UBFD1: variants seen among roughly 807,000 people sequenced by gnomAD.
UBFD1 encodes ubiquitin family domain containing 1, also known as ubiquitin domain-containing protein UBFD1.
Under a neutral mutation model 35.1 loss-of-function variants are expected in UBFD1, and 12 were observed. The observed-to-expected ratio is 0.34, with a 90% CI of 0.22 to 0.55. The LOEUF is 0.55. Ranked by LOEUF, UBFD1 falls within the 20% of genes least tolerant of loss-of-function variation. The pLI, the probability that UBFD1 is intolerant of heterozygous loss-of-function variation, is 0.89. For synonymous variants in UBFD1, 178 were observed against 167.6 expected, an observed-to-expected ratio of 1.06 and a Z score of -0.48; for missense variants, 337 against 410.8, an observed-to-expected ratio of 0.82 and a Z score of 1.55.
chr16:23,558,152 C>G lies in UBFD1; in HGVS notation c.228C>G (p.Asp76Glu), dbSNP rs772644233. ...AGGCCTCGGTCAGCAACGGCGAAGA[C>G]GCGGGCGGCGGCGCGGGCAGGGAGC... is the stretch of plus-strand genomic sequence containing the variant. The part of the protein sequence containing the change: ...AAQASVSNGE[D>E]AGGGAGRELV... The change falls in exon 2 of 7, where the codon GAC becomes GAG. Residue 76 changes from aspartate (D) to glutamate (E), a missense_variant. This residue lies in a region of UBFD1 where 198 missense variants were observed against 168.4 expected (regional missense o/e 1.18). Coordinates refer to ENST00000395878, the MANE Select transcript of UBFD1 (RefSeq NM_019116.3). 66 of 1,604,994 alleles carry G rather than the reference C, an allele frequency of 4.1e-5. 1 individual carries two copies. In the South Asian group the frequency reaches 5.8e-4, roughly 14 times the overall value.
chr16:23,559,898 G>A, intron 3 of UBFD1: 2 of 1,519,366 alleles, frequency 1.3e-6, no homozygotes, highest in Non-Finnish European at 1.8e-6. Flanking sequence ...ACCTACTTTA[G>A]GATAAGACCT....
chr16:23,560,376 G>A (rs1251997964), intron 3 of UBFD1, among the ~76,000 whole-genome samples: 3 of 152,128 alleles, frequency 2.0e-5, no homozygotes, highest in South Asian at 2.1e-4. Context: ...TTTTTACCTG[G>A]CAAATTATAC....
rs750276972 is a variant in UBFD1, at chr16:23,557,958, G to A, written c.34G>A (p.Glu12Lys). Residue 12 changes from glutamate to lysine, a missense_variant, in exon 2 of 7, where the codon GAA (glutamate) becomes AAA (lysine). By Grantham distance (56) the Glu-to-Lys change is moderately conservative (BLOSUM62 1). Coordinates refer to ENST00000395878, the MANE Select transcript of UBFD1 (RefSeq NM_019116.3). ...AAAGAPDGME[E>K]PGMDTEAETV... is the part of the protein sequence containing the mutation. ...CCCTAACCCCCTTGCAGGCATGGAG[G>A]AACCTGGCATGGACACGGAGGCCGA... is the stretch of plus-strand genomic sequence containing the variant. The A allele has an allele frequency of 1.4e-4, 189 of 1,355,014 alleles. 1 individual carries two copies. Among genetic ancestry groups the A allele is most frequent in the Non-Finnish European group, 1.6e-4 (164 of 1,055,104 alleles). 83.9% of individuals were successfully genotyped at this position (1,355,014 alleles called of 1,614,324 possible). A position where few individuals can be genotyped will look rare whatever the true frequency, so the allele number is the denominator to read the frequency against.
At chr16:23,565,674 C>T (rs1043978059) in intron 5 of UBFD1, 1 of 152,126 alleles carries the variant, frequency 6.6e-6, no homozygotes, top group African/African-American at 2.4e-5. Flanking sequence ...ATACTGAGGC[C>T]CACAGAACTG....
At chr16:23,569,803 TG>T (rs1423544501) in intron 6 of UBFD1, 1 of 152,202 alleles carries the variant, frequency 6.6e-6, no homozygotes, top group Non-Finnish European at 1.5e-5. Context: ...ACGAACAAGA[TG>T]GAGTGTTGTT....
chr16:23,569,158 C>G (rs1966051293), intron 6 of UBFD1: 1 of 152,200 alleles, frequency 6.6e-6, no homozygotes, highest in Admixed American at 6.5e-5. Flanking sequence ...ACTTAGTTAT[C>G]TCTTTGGGCA....
rs755386318 is a variant in UBFD1, at chr16:23,558,204, A to G, written c.280A>G (p.Lys94Glu). The change falls in exon 2 of 7, where the codon AAG becomes GAG. Residue 94 changes from lysine (K) to glutamate (E), a missense_variant. Coordinates refer to ENST00000395878, the MANE Select transcript of UBFD1 (RefSeq NM_019116.3). ...GGTGGACTTGAAGATCATCTGGAAT[A>G]AGACCAAGCATGACGTGAAGTTCCC... The part of the protein sequence containing the change: ...ELVDLKIIWN[K>E]TKHDVKFPLD... The G allele has an allele frequency of 6.2e-7, 1 of 1,610,700 alleles. No individual in the cohort carries two copies. Among genetic ancestry groups the G allele is most frequent in the Non-Finnish European group, 8.5e-7 (1 of 1,178,684 alleles).
At chr16:23,557,794 C>T (rs1965835914) in intron 1 of UBFD1, 27 bp downstream of exon 1, 2 of 1,271,488 alleles carry the variant, frequency 1.6e-6, no homozygotes, top group South Asian at 3.4e-5. Flanking sequence ...TGGCGGGCGC[C>T]GGGCCGGGGC....
chr16:23,561,678 C>T (rs1055824907), intron 3 of UBFD1: 2 of 152,194 alleles, frequency 1.3e-5, no homozygotes, highest in Admixed American at 6.5e-5. Context: ...AACTGCTCCT[C>T]CTAGGCAGTT....
Position 23,563,313 on chromosome 16 carries a change from C to T in UBFD1, c.736+583C>T, listed in dbSNP as rs970249110. On this transcript the variant is annotated intron_variant, in intron 5 of 6. Transcript: ENST00000395878. ...TAGGTGAAGTTTTCCTAACCGCTGC[C>T]GAGGAATCTGCCTCTCCCTCCCCGC... is the stretch of plus-strand genomic sequence containing the variant. Among the ~76,000 whole-genome samples, 3 of 152,068 alleles carry T rather than the reference C, an allele frequency of 2.0e-5. No individual in the cohort carries two copies. In the South Asian group the frequency reaches 6.2e-4, roughly 32 times the overall value.
chr16:23,560,562 T>TC (rs964769392), intron 3 of UBFD1, among the ~76,000 whole-genome samples: 13 of 152,172 alleles, frequency 8.5e-5, no homozygotes, highest in Admixed American at 3.9e-4. Context: ...AGATCCATAA[T>TC]CCCCCATGTG....
rs777799222 is a variant in UBFD1 at position 23,558,031 on chromosome 16, C to G, written c.107C>G (p.Ala36Gly). The G allele has an allele frequency of 8.1e-6, 11 of 1,351,764 alleles. No homozygotes were observed. The highest frequency in any genetic ancestry group is 1.0e-5 in the Non-Finnish European group (11 of 1,056,352). 83.7% of individuals were successfully genotyped at this position (1,351,764 alleles called of 1,614,324 possible). ...APARPVNCLE[A>G]EAAAGAAAED... ...GCGCGGCCCGTCAACTGCCTGGAGGCTGAAGCCGCGGCGGGGGCGGCGGCC... is the reference window on the plus strand; with the variant it reads ...GCGCGGCCCGTCAACTGCCTGGAGGGTGAAGCCGCGGCGGGGGCGGCGGCC... Residue 36 changes from alanine (A) to glycine (G), a missense_variant, in exon 2 of 7, where the codon GCT (alanine) becomes GGT (glycine). Around this residue, in one of 4 missense-constraint regions of UBFD1, gnomAD observed 198 missense variants for 168.4 expected, o/e 1.18. Transcript: ENST00000395878.
At chr16:23,564,204 C>T (rs1965979107) in intron 5 of UBFD1, 1 of 152,114 alleles carries the variant, frequency 6.6e-6, no homozygotes, top group South Asian at 2.1e-4. Context: ...AAAATGGGAC[C>T]AAGTTTTATG....
chr16:23,557,926 G>GC, intron 1 of UBFD1, 24 bp from the exon 2 acceptor site: 1 of 1,304,824 alleles, frequency 7.7e-7, no homozygotes, highest in Non-Finnish European at 9.8e-7. Context: ...CGCGGCGAGC[G>GC]CCCACCCCCT....
intron 2 of UBFD1, chr16:23,558,965 AC>A (rs1965880830): frequency 6.8e-6 from 1 of 146,368 alleles, no homozygotes; most frequent in Middle Eastern, 3.6e-3. Flanking sequence ...TATTTTATCC[AC>A]CCACCTCGGC....
rs754737504 is a variant in UBFD1, at chr16:23,570,983, T to G, written c.*393T>G. On this transcript the variant is annotated 3_prime_UTR_variant, in exon 7 of 7. Coordinates refer to ENST00000395878, the MANE Select transcript of UBFD1 (RefSeq NM_019116.3). ...AAAAGCAGTTTCAATTGAAATATTTTCATACATCTTTGGTTGCAAACATTT... is the reference window on the plus strand; with the variant it reads ...AAAAGCAGTTTCAATTGAAATATTTGCATACATCTTTGGTTGCAAACATTT... 1 of 153,992 alleles carries G rather than the reference T, an allele frequency of 6.5e-6. No individual in the cohort carries two copies. Among genetic ancestry groups the G allele is most frequent in the Non-Finnish European group, 1.4e-5 (1 of 69,138 alleles). The allele number at this position is 153,992 out of a possible 1,614,324, so 9.5% of individuals were successfully genotyped here.
intron 2 of UBFD1, among the ~76,000 whole-genome samples, chr16:23,558,503 G>A (rs1395283749): frequency 2.0e-5 from 3 of 152,126 alleles, no homozygotes; most frequent in South Asian, 2.1e-4. Context: ...TGACGTTTAG[G>A]CCCCAGTTTC....
At chr16:23,567,189 T>G in intron 6 of UBFD1, 120 bp downstream of exon 6, 1 of 883,076 alleles carries the variant, frequency 1.1e-6, no homozygotes, top group East Asian at 2.4e-5. Flanking sequence ...ATGCACTTTT[T>G]TAAGACCCTG....
At chr16:23,563,742 C>A (rs1254988718) in intron 5 of UBFD1, among the ~76,000 whole-genome samples, 1 of 152,220 alleles carries the variant, frequency 6.6e-6, no homozygotes, top group Non-Finnish European at 1.5e-5. Context: ...CAGCTTCTGG[C>A]CCGTTTGCCC....
Sources: allele counts gnomAD v4.1 joint callset (sites outside exome capture counted in the v4.1 genomes callset), GRCh38; gene constraint gnomAD v4.1.1; regional missense constraint gnomAD v4.1.1; transcripts MANE v1.5; gene names NCBI Gene and HGNC (gene_info 2026-07-23, HGNC 2026-07-21).